Variants in GRID2 observed in about 807,000 individuals in gnomAD.
GRID2 encodes the protein glutamate receptor ionotropic, delta-2.
Under a neutral mutation model 114.8 loss-of-function variants are expected in GRID2, and 33 were observed. The ratio of observed to expected loss-of-function variants is 0.29; its 90% CI spans 0.22 to 0.38. GRID2 has a LOEUF of 0.38. Ranked by LOEUF, GRID2 falls within the 10% of genes least tolerant of loss-of-function variation. The probability of loss-of-function intolerance (pLI) is 1.00; values close to 1 mark genes in which losing one functional copy is unlikely to be tolerated. For missense variants in GRID2, 1,184 were observed against 1,257.7 expected, an observed-to-expected ratio of 0.94 and a Z score of 0.89; for synonymous variants, 505 against 449.9, an observed-to-expected ratio of 1.12 and a Z score of -1.55.
chr4:93,466,829 AATAT>A (rs1724323044), intron 11 of GRID2, among the ~76,000 whole-genome samples: 1 of 152,220 alleles, frequency 6.6e-6, no homozygotes, highest in Non-Finnish European at 1.5e-5. Flanking sequence ...TTGATAGTTT[AATAT>A]GTTAATGAAA....
At chr4:93,010,050 G>A (rs1721968549) in intron 2 of GRID2, among the ~76,000 whole-genome samples, 1 of 152,008 alleles carries the variant, frequency 6.6e-6, no homozygotes, top group Non-Finnish European at 1.5e-5. Context: ...TTATTCTACA[G>A]TATTTGAAGC....
At chr4:92,514,597 G>C (rs1294206130) in intron 1 of GRID2, among the ~76,000 whole-genome samples, 1 of 151,800 alleles carries the variant, frequency 6.6e-6, no homozygotes, top group Non-Finnish European at 1.5e-5. Flanking sequence ...GACTTCACAA[G>C]TTTTCACAAT....
At chr4:93,346,110 T>G (rs2149253682) in intron 8 of GRID2, among the ~76,000 whole-genome samples, 1 of 152,280 alleles carries the variant, frequency 6.6e-6, no homozygotes, top group African/African-American at 2.4e-5. Flanking sequence ...CAAAGATTGC[T>G]TTGACTATTT....
At chr4:93,540,926 T>C (rs1321608572) in intron 13 of GRID2, among the ~76,000 whole-genome samples, 1 of 152,186 alleles carries the variant, frequency 6.6e-6, no homozygotes, top group African/African-American at 2.4e-5. Flanking sequence ...AGTGAGGCCC[T>C]TTCTTAAACA....
chr4:93,624,843 CTT>C (rs1255018826), intron 13 of GRID2, among the ~76,000 whole-genome samples: 15 of 151,926 alleles, frequency 9.9e-5, no homozygotes, highest in African/African-American at 2.4e-4. Context: ...AAATTTGTGA[CTT>C]AGTGTATGAG....
intron 1 of GRID2, among the ~76,000 whole-genome samples, chr4:92,337,689 G>A (rs973755538): frequency 2.3e-4 from 35 of 152,112 alleles, no homozygotes; most frequent in African/African-American, 8.5e-4. Flanking sequence ...CTGCTTGGGA[G>A]CAACCACTCC....
chr4:93,066,475 C>G (rs1202374069), intron 2 of GRID2, among the ~76,000 whole-genome samples: 1 of 151,904 alleles, frequency 6.6e-6, no homozygotes, highest in Non-Finnish European at 1.5e-5. Flanking sequence ...TCCTGGTACT[C>G]TATGAAATTC....
chr4:93,380,502 G>A (rs1217624344), intron 8 of GRID2, among the ~76,000 whole-genome samples: 2 of 151,036 alleles, frequency 1.3e-5, no homozygotes, highest in Non-Finnish European at 2.9e-5. Flanking sequence ...CCAAAGCATA[G>A]ATAATTTTCA....
At chr4:92,798,867 G>A (rs1740016626) in intron 2 of GRID2, among the ~76,000 whole-genome samples, 1 of 151,932 alleles carries the variant, frequency 6.6e-6, no homozygotes, top group African/African-American at 2.4e-5. Context: ...GCATGGCTAC[G>A]AATTAACTGA....
intron 4 of GRID2, among the ~76,000 whole-genome samples, chr4:93,152,042 C>A (rs943354323): frequency 1.3e-5 from 2 of 151,972 alleles, no homozygotes; most frequent in African/African-American, 4.8e-5. Context: ...TATAGATAAA[C>A]ACTAATCTCC....
At chr4:92,972,433 T>C (rs1355673110) in intron 2 of GRID2, among the ~76,000 whole-genome samples, 1 of 152,020 alleles carries the variant, frequency 6.6e-6, no homozygotes, top group Non-Finnish European at 1.5e-5. Context: ...TGAATAAACG[T>C]AAAATATAAA....
At chr4:92,651,264 A>G (rs1731916982) in intron 2 of GRID2, among the ~76,000 whole-genome samples, 1 of 152,056 alleles carries the variant, frequency 6.6e-6, no homozygotes, top group Admixed American at 6.6e-5. Flanking sequence ...TAGCTGGCTG[A>G]TCACTCTGGG....
intron 10 of GRID2, among the ~76,000 whole-genome samples, chr4:93,433,611 A>G (rs141310970): frequency 1.2e-4 from 18 of 152,204 alleles, no homozygotes; most frequent in African/African-American, 4.1e-4. Flanking sequence ...CTCTTTTTCT[A>G]TGCCTCCTGT....
In GRID2 at chr4:92,935,702, G is replaced by C. The variant is rs1249828269; in HGVS notation, c.245-149293G>C. On this transcript the variant is annotated intron_variant, in intron 2 of 15. Transcript: ENST00000282020. ...CATATACACCATGGAATACTATGCA[G>C]CCATAAAAAATGATGAGTTCATGTC... Among the ~76,000 whole-genome samples the C allele has an allele frequency of 6.1e-5, 9 of 146,938 alleles. 2 individuals are homozygous for C. Among genetic ancestry groups the C allele is most frequent in the Admixed American group, 1.5e-4 (2 of 13,544 alleles).
At chr4:92,571,751 A>C (rs1210720508) in intron 1 of GRID2, among the ~76,000 whole-genome samples, 1 of 152,160 alleles carries the variant, frequency 6.6e-6, no homozygotes, top group Non-Finnish European at 1.5e-5. Flanking sequence ...ACTCAACTAC[A>C]TGGAAACTGA....
chr4:92,570,975 A>G (rs1337691687), intron 1 of GRID2, among the ~76,000 whole-genome samples: 1 of 152,016 alleles, frequency 6.6e-6, no homozygotes. Context: ...TAGAACTTCC[A>G]ATACTATGTT....
At chr4:93,728,176 G>T (rs1221537282) in intron 14 of GRID2, among the ~76,000 whole-genome samples, 1 of 152,004 alleles carries the variant, frequency 6.6e-6, no homozygotes, top group African/African-American at 2.4e-5. Flanking sequence ...AGAGATTCTG[G>T]TATGTGGTGT....
chr4:93,459,172 C>T (rs1462882690), intron 11 of GRID2, among the ~76,000 whole-genome samples: 1 of 70,378 alleles, frequency 1.4e-5, no homozygotes. Context: ...AAGAGTGAAA[C>T]TCCATCTCAA....
At chr4:92,933,612 C>A (rs1355111897) in intron 2 of GRID2, among the ~76,000 whole-genome samples, 1 of 151,374 alleles carries the variant, frequency 6.6e-6, no homozygotes, top group Non-Finnish European at 1.5e-5. Context: ...TGCAATTTTC[C>A]AAACATATTT....
Sources: gnomAD v4.1 joint callset for allele counts (sites outside exome capture counted in the v4.1 genomes callset) on GRCh38, gnomAD v4.1.1 for gene constraint, MANE v1.5 for transcripts, NCBI Gene and HGNC (gene_info 2026-07-23, HGNC 2026-07-21) for gene names.